The following JMJD1C variants were observed in gnomAD, a reference collection of about 807,000 sequenced individuals.
JMJD1C encodes jumonji domain containing 1C.
In JMJD1C, 31 loss-of-function variants were observed where a neutral mutation model predicts 245.3. That is an observed-to-expected ratio of 0.13 (90% CI 0.09 to 0.17). The LOEUF is 0.17. Among genes scored for constraint, JMJD1C ranks in the 10% least tolerant of loss-of-function variants. The pLI is 1.00. For missense variants in JMJD1C, 2,691 were observed against 3,000.2 expected (o/e 0.90, Z 2.41); for synonymous variants, 1,057 against 1,017.4 (o/e 1.04, Z -0.74).
intron 1 of JMJD1C, among the ~76,000 whole-genome samples, chr10:63,392,911 T>C (rs1382853042): frequency 6.0e-5 from 5 of 83,602 alleles, no homozygotes; most frequent in African/African-American, 1.4e-4. Flanking sequence ...CACACACACG[T>C]GAGCAAAGGA....
intron 2 of JMJD1C, among the ~76,000 whole-genome samples, chr10:63,307,142 TC>T (rs1423329811): frequency 1.3e-5 from 2 of 152,242 alleles, no homozygotes; most frequent in Non-Finnish European, 2.9e-5. Flanking sequence ...AACAAATAAT[TC>T]TGAGGATTCG....
intron 17 of JMJD1C, among the ~76,000 whole-genome samples, chr10:63,190,574 A>G (rs576099223): frequency 1.3e-5 from 2 of 152,222 alleles, no homozygotes; most frequent in African/African-American, 4.8e-5. Flanking sequence ...TTTGACTTCT[A>G]ATTATTTTAA....
intron 1 of JMJD1C, among the ~76,000 whole-genome samples, chr10:63,424,735 A>T (rs1029725024): frequency 3.3e-5 from 5 of 152,150 alleles, no homozygotes; most frequent in African/African-American, 1.2e-4. Flanking sequence ...GATAAAAGGT[A>T]TTACAATTTC....
chr10:63,272,892 C>T (rs1214985187), intron 2 of JMJD1C, among the ~76,000 whole-genome samples: 1 of 152,146 alleles, frequency 6.6e-6, no homozygotes, highest in African/African-American at 2.4e-5. Context: ...TTCTCAAGTA[C>T]TTCAGTCCCT....
Position 63,219,403 on chromosome 10 carries a change from G to A in JMJD1C, c.553+475C>T, listed in dbSNP as rs149684696. On this transcript the variant is annotated intron_variant, in intron 4 of 25. Coordinates refer to ENST00000399262, the MANE Select transcript of JMJD1C (RefSeq NM_032776.3). ...ACAGAAATGGAAATTGCTAAAAATCGTCAAACCCCACTGGTTTGAAGGTCA... is the reference window on the plus strand; with the variant it reads ...ACAGAAATGGAAATTGCTAAAAATCATCAAACCCCACTGGTTTGAAGGTCA... Among the ~76,000 whole-genome samples the A allele has an allele frequency of 2.1e-3, 322 of 152,122 alleles. 2 individuals are homozygous for A. Among genetic ancestry groups the A allele is most frequent in the African/African-American group, 7.5e-3 (311 of 41,490 alleles).
chr10:63,440,369 G>T (rs200927117), intron 1 of JMJD1C, among the ~76,000 whole-genome samples: 17,404 of 111,208 alleles, frequency 0.16, 1,322 homozygotes, highest in East Asian at 0.35. Context: ...TATATATAGA[G>T]AGAGAGAGAG....
At chr10:63,172,230 T>G (rs560472071) in intron 24 of JMJD1C, among the ~76,000 whole-genome samples, 1 of 152,362 alleles carries the variant, frequency 6.6e-6, no homozygotes, top group African/African-American at 2.4e-5. Flanking sequence ...GTAATCTTGT[T>G]TCTATAATCT....
intron 1 of JMJD1C, among the ~76,000 whole-genome samples, chr10:63,385,321 A>T (rs1947501419): frequency 6.6e-6 from 1 of 151,470 alleles, no homozygotes; most frequent in South Asian, 2.1e-4. Flanking sequence ...TAACAGACCC[A>T]TGAAAATATT....
At chr10:63,170,361 C>T (rs1309907762) in intron 24 of JMJD1C, among the ~76,000 whole-genome samples, 3 of 152,146 alleles carry the variant, frequency 2.0e-5, no homozygotes, top group African/African-American at 4.8e-5. Flanking sequence ...CTGAACATTA[C>T]AATGGGTAAT....
intron 2 of JMJD1C, among the ~76,000 whole-genome samples, chr10:63,358,561 G>C (rs1945061907): frequency 6.6e-6 from 1 of 151,722 alleles, no homozygotes; most frequent in Non-Finnish European, 1.5e-5. Context: ...GTTAGAATAG[G>C]GGAAAAACGG....
intron 3 of JMJD1C, among the ~76,000 whole-genome samples, chr10:63,235,270 T>A (rs1255289443): frequency 6.6e-6 from 1 of 151,992 alleles, no homozygotes; most frequent in South Asian, 2.1e-4. Context: ...CTGAGGCAGG[T>A]GGATCGCCTG....
At chr10:63,458,966 C>T (rs1037632103) in intron 1 of JMJD1C, among the ~76,000 whole-genome samples, 5 of 152,142 alleles carry the variant, frequency 3.3e-5, no homozygotes, top group Admixed American at 6.5e-5. Flanking sequence ...AAGTGATCTC[C>T]CTGCCTTGGC....
At chr10:63,279,508 G>GC (rs924188116) in intron 2 of JMJD1C, among the ~76,000 whole-genome samples, 3 of 152,210 alleles carry the variant, frequency 2.0e-5, no homozygotes, top group African/African-American at 7.2e-5. Context: ...TGTGAAAGAG[G>GC]CCAAGGGCCA....
At chr10:63,377,164 G>A (rs1045857236) in intron 2 of JMJD1C, among the ~76,000 whole-genome samples, 16 of 151,032 alleles carry the variant, frequency 1.1e-4, no homozygotes, top group African/African-American at 3.2e-4. Flanking sequence ...AAATGAGCCC[G>A]TTACAAAAGG....
At chr10:63,302,503 T>C (rs1342568358) in intron 2 of JMJD1C, among the ~76,000 whole-genome samples, 3 of 152,226 alleles carry the variant, frequency 2.0e-5, no homozygotes, top group Admixed American at 6.5e-5. Flanking sequence ...TTATCTTGCA[T>C]GAGAACCATT....
rs1378434662 is a variant in JMJD1C at position 63,168,067 on chromosome 10, A to G, written c.7601T>C (p.Val2534Ala). Residue 2534 changes from valine (V) to alanine (A), a missense_variant, in exon 26 of 26, where the codon GTA (valine) becomes GCA (alanine). Physicochemically the swap from Val to Ala is moderately conservative, Grantham distance 64. Coordinates refer to ENST00000399262, the MANE Select transcript of JMJD1C (RefSeq NM_032776.3). ...VRALKIHEDE[V>A]EDMEEN ...CACTTAATTTTCTTCCATATCCTCT[A>G]CTTCATCCTCGTGTATCTTCAAGGC... 6.3e-6 allele frequency: 10 copies of G among 1,597,324 alleles called. No homozygotes were observed. The highest frequency in any genetic ancestry group is 8.6e-6 in the Non-Finnish European group (10 of 1,165,320).
Position 63,207,089 on chromosome 10 carries a change from A to C in JMJD1C, c.4580T>G (p.Ile1527Ser). Reference sequence around the variant, plus strand: ...ATTTCCTACAGAGTTTGCTTTGTTAATTGTACTACAGATTACAGTGCTATC... The same window carrying C: ...ATTTCCTACAGAGTTTGCTTTGTTACTTGTACTACAGATTACAGTGCTATC... ...PLDSTVICSTINKANSVGNGQ... is the reference protein window; with the variant it reads ...PLDSTVICSTSNKANSVGNGQ... Residue 1527 changes from isoleucine (I) to serine (S), a missense_variant, in exon 10 of 26, where the codon ATT becomes AGT. By Grantham distance (142) the Ile-to-Ser change is moderately radical (BLOSUM62 -2). Coordinates refer to ENST00000399262, the MANE Select transcript of JMJD1C (RefSeq NM_032776.3). The C allele has an allele frequency of 6.2e-7, 1 of 1,614,170 alleles. No individual in the cohort carries two copies. The highest frequency in any genetic ancestry group is 8.5e-7 in the Non-Finnish European group (1 of 1,180,028).
chr10:63,229,802 T>A (rs1227982841), intron 3 of JMJD1C, among the ~76,000 whole-genome samples: 1 of 152,232 alleles, frequency 6.6e-6, no homozygotes, highest in South Asian at 2.1e-4. Context: ...TCCAATAATA[T>A]TCTTTGCATT....
chr10:63,402,723 C>G (rs968834349), intron 1 of JMJD1C, among the ~76,000 whole-genome samples: 2 of 152,264 alleles, frequency 1.3e-5, no homozygotes, highest in Admixed American at 1.3e-4. Flanking sequence ...ATTCTCACCA[C>G]TCGATTTACT....
Sources: gnomAD v4.1 joint callset for allele counts (sites outside exome capture counted in the v4.1 genomes callset) on GRCh38, gnomAD v4.1.1 for gene constraint, MANE v1.5 for transcripts, NCBI Gene and HGNC (gene_info 2026-07-23, HGNC 2026-07-21) for gene names.